Variants in NECTIN3 observed in about 807,000 individuals in gnomAD.
The protein encoded by NECTIN3 is nectin cell adhesion molecule 3.
Under a neutral mutation model 49.4 loss-of-function variants are expected in NECTIN3, and 8 were observed. The observed-to-expected ratio is 0.16, with a 90% CI of 0.10 to 0.29. The LOEUF (loss-of-function observed/expected upper bound fraction) is 0.29. NECTIN3 is among the 10% of genes least tolerant of loss of function. The pLI is 1.00. For missense variants in NECTIN3, 581 were observed against 654.6 expected, an observed-to-expected ratio of 0.89 and a Z score of 1.23; for synonymous variants, 277 against 241.1, an observed-to-expected ratio of 1.15 and a Z score of -1.38.
At chr3:111,156,840 G>T (rs1362978977) in intron 7 of NECTIN3, among the ~76,000 whole-genome samples, 1 of 152,032 alleles carries the variant, frequency 6.6e-6, no homozygotes, top group Non-Finnish European at 1.5e-5. Flanking sequence ...TTATTTTGCT[G>T]ATTTCTTAGA....
intron 1 of NECTIN3, among the ~76,000 whole-genome samples, chr3:111,086,008 G>C (rs2031901445): frequency 6.6e-6 from 1 of 151,978 alleles, no homozygotes; most frequent in African/African-American, 2.4e-5. Context: ...TAACCATTCT[G>C]GTCAGCATGT....
chr3:111,082,731 A>T (rs2031693670), intron 1 of NECTIN3, among the ~76,000 whole-genome samples: 1 of 152,140 alleles, frequency 6.6e-6, no homozygotes, highest in Admixed American at 6.6e-5. Context: ...AGTGCATTGC[A>T]TTTATTGTGT....
chr3:111,083,356 G>T (rs547176291), intron 1 of NECTIN3, among the ~76,000 whole-genome samples: 1 of 152,294 alleles, frequency 6.6e-6, no homozygotes, highest in South Asian at 2.1e-4. Context: ...CAATGTGATG[G>T]TGTTAGGGGG....
chr3:111,115,803 G>T (rs1433068742), intron 2 of NECTIN3, among the ~76,000 whole-genome samples: 1 of 152,168 alleles, frequency 6.6e-6, no homozygotes, highest in Non-Finnish European at 1.5e-5. Context: ...ATGAAGACAA[G>T]AACTATTACA....
At chr3:111,151,951 A>AACAC (rs146582415) in intron 7 of NECTIN3, among the ~76,000 whole-genome samples, 1 of 150,562 alleles carries the variant, frequency 6.6e-6, no homozygotes, top group Non-Finnish European at 1.5e-5. Context: ...TAGACAAGAA[A>AACAC]ACACACACAC....
At chr3:111,080,668 A>G (rs889438215) in intron 1 of NECTIN3, among the ~76,000 whole-genome samples, 1 of 112,680 alleles carries the variant, frequency 8.9e-6, no homozygotes, top group East Asian at 2.9e-4. Context: ...GTTAATCTAT[A>G]TATGTCATGC....
intron 7 of NECTIN3, among the ~76,000 whole-genome samples, chr3:111,178,458 T>C (rs946012673): frequency 6.6e-6 from 1 of 152,196 alleles, no homozygotes; most frequent in African/African-American, 2.4e-5. Context: ...TCATAAATTT[T>C]TAAGGCATTA....
At chr3:111,144,799 C>T (rs1336188170) in intron 5 of NECTIN3, 6 of 1,325,740 alleles carry the variant, frequency 4.5e-6, no homozygotes, top group Admixed American at 5.0e-5. Context: ...TCTTGGATAA[C>T]ATACTTCAGT....
chr3:111,125,502 A>G (rs1390152830), intron 4 of NECTIN3, among the ~76,000 whole-genome samples: 1 of 152,204 alleles, frequency 6.6e-6, no homozygotes, highest in African/African-American at 2.4e-5. Context: ...TACATGGTTT[A>G]GAGTAATATG....
chr3:111,136,415 G>A lies in NECTIN3; in HGVS notation c.*2200G>A. 1.0e-6 allele frequency: 1 copy of A among 984,414 alleles called. No individual in the cohort carries two copies. The highest frequency in any genetic ancestry group is 1.2e-6 in the Non-Finnish European group (1 of 829,232). The allele number at this position is 984,414 out of a possible 1,614,324, so 61.0% of individuals were successfully genotyped here. On this transcript the variant is annotated 3_prime_UTR_variant, in exon 6 of 6. Coordinates refer to ENST00000485303, the MANE Select transcript of NECTIN3 (RefSeq NM_015480.3). ...GGGTGACCTGGAAAGCCACAAGTGA[G>A]TATTTGACATATTCTGTATCCTTAA...
chr3:111,136,810 A>G lies in NECTIN3; in HGVS notation c.*2595A>G. ...CTGGTTAAAATATTTCAATGATATA[A>G]TGAAGATGAATGCAACTCTTATTTT... On this transcript the variant is annotated 3_prime_UTR_variant, in exon 6 of 6. Coordinates refer to ENST00000485303, the MANE Select transcript of NECTIN3 (RefSeq NM_015480.3). 1 of 944,388 alleles carries G rather than the reference A, an allele frequency of 1.1e-6. No homozygotes were observed. Among genetic ancestry groups the G allele is most frequent in the Non-Finnish European group, 1.3e-6 (1 of 792,840 alleles). 58.5% of individuals were successfully genotyped at this position (944,388 alleles called of 1,614,324 possible). A position where few individuals can be genotyped will look rare whatever the true frequency, so the allele number is the denominator to read the frequency against.
intron 7 of NECTIN3, among the ~76,000 whole-genome samples, chr3:111,156,107 G>A (rs2035092702): frequency 1.3e-5 from 2 of 152,132 alleles, no homozygotes; most frequent in African/African-American, 4.8e-5. Context: ...ATTAACTCCT[G>A]TGATAGTGTT....
intron 1 of NECTIN3, among the ~76,000 whole-genome samples, chr3:111,106,492 A>G (rs1447378445): frequency 5.3e-5 from 8 of 152,156 alleles, no homozygotes; most frequent in African/African-American, 1.9e-4. Context: ...ACCTGGCTTT[A>G]TTCTTACATG....
At chr3:111,103,945 G>C (rs1423081267) in intron 1 of NECTIN3, among the ~76,000 whole-genome samples, 1 of 152,074 alleles carries the variant, frequency 6.6e-6, no homozygotes, top group Non-Finnish European at 1.5e-5. Context: ...TACTTCTTGG[G>C]TGTACAAATA....
chr3:111,119,039 T>A (rs1576126063), intron 3 of NECTIN3, 87 bp downstream of exon 3: 1 of 1,158,986 alleles, frequency 8.6e-7, no homozygotes, highest in East Asian at 2.6e-5. Context: ...TAGCTTTTCC[T>A]TGTTTTTGTT....
chr3:111,149,319 CTCTG>C (rs1337498485), intron 7 of NECTIN3, among the ~76,000 whole-genome samples: 3 of 152,068 alleles, frequency 2.0e-5, no homozygotes, highest in Admixed American at 2.0e-4. Flanking sequence ...CTTTTCTTTT[CTCTG>C]TCTACTTCAG....
chr3:111,104,055 A>G (rs915050720), intron 1 of NECTIN3, among the ~76,000 whole-genome samples: 2 of 152,198 alleles, frequency 1.3e-5, no homozygotes, highest in African/African-American at 4.8e-5. Flanking sequence ...TGGCTGGATC[A>G]TATGGTATGT....
intron 3 of NECTIN3, among the ~76,000 whole-genome samples, chr3:111,121,814 T>C (rs779348952): frequency 9.9e-5 from 15 of 152,222 alleles, no homozygotes; most frequent in Non-Finnish European, 1.9e-4. Flanking sequence ...TCTCGCATAA[T>C]AGGATTCTTA....
At chr3:111,101,404 A>G (rs1371048028) in intron 1 of NECTIN3, among the ~76,000 whole-genome samples, 2 of 152,154 alleles carry the variant, frequency 1.3e-5, no homozygotes, top group African/African-American at 2.4e-5. Context: ...GTTAGTGTTA[A>G]TGTGTAGAAA....
Sources: allele counts gnomAD v4.1 joint callset (sites outside exome capture counted in the v4.1 genomes callset), GRCh38; gene constraint gnomAD v4.1.1; transcripts MANE v1.5; gene names NCBI Gene and HGNC (gene_info 2026-07-23, HGNC 2026-07-21).